FRMD1: variants seen among roughly 807,000 people sequenced by gnomAD.
The protein encoded by FRMD1 is FERM domain containing 1, also known as FERM domain-containing protein 1.
In FRMD1, 51 loss-of-function variants were observed where a neutral mutation model predicts 54.9. The ratio of observed to expected loss-of-function variants is 0.93; its 90% CI spans 0.74 to 1.17. FRMD1 has a LOEUF of 1.17. Among genes scored for constraint, FRMD1 ranks in the 50% most tolerant of loss-of-function variants. FRMD1 has a pLI of 0.00. For synonymous variants in FRMD1, 324 were observed against 306.4 expected (o/e 1.06, Z -0.60); for missense variants, 729 against 743.0 (o/e 0.98, Z 0.22).
chr6:168,070,703 G>C (rs571342434), intron 2 of FRMD1, among the ~76,000 whole-genome samples: 7 of 152,340 alleles, frequency 4.6e-5, no homozygotes, highest in East Asian at 3.9e-4. Flanking sequence ...ACTATCTGTA[G>C]AGAGAAATGG....
At chr6:168,087,259 G>A (rs1800937109) in intron 1 of FRMD1, among the ~76,000 whole-genome samples, 1 of 152,098 alleles carries the variant, frequency 6.6e-6, no homozygotes, top group Non-Finnish European at 1.5e-5. Flanking sequence ...GGTAGACACA[G>A]GGTTTCTCCA....
At chr6:168,064,807 C>A in intron 5 of FRMD1, 64 bp downstream of exon 5, 1 of 1,502,262 alleles carries the variant, frequency 6.7e-7, no homozygotes, top group South Asian at 1.3e-5. Context: ...CCATGGATGG[C>A]ACCCGGTGGA....
chr6:168,091,973 G>T (rs1008996479), intron 1 of FRMD1, among the ~76,000 whole-genome samples: 3 of 152,234 alleles, frequency 2.0e-5, no homozygotes, highest in Non-Finnish European at 4.4e-5. Flanking sequence ...TCCAGCACAG[G>T]CCAGTCGGCC....
At chr6:168,065,829 T>C in intron 4 of FRMD1, 2 of 999,884 alleles carry the variant, frequency 2.0e-6, no homozygotes, top group Middle Eastern at 5.2e-4. Context: ...CTGGCAGGGA[T>C]TGTGCCTGCT....
In FRMD1 at chr6:168,053,511, C is replaced by T; in HGVS notation, c.*3586G>A. On this transcript the variant is annotated 3_prime_UTR_variant, in exon 11 of 11. Coordinates refer to ENST00000283309, the MANE Select transcript of FRMD1 (RefSeq NM_024919.6). ...CCGAAACGTCTCCCAGCAGACCGAG[C>T]CAAGTGTGTGTCCAGTTCAGCCTCC... 1 of 152,472 alleles carries T rather than the reference C, an allele frequency of 6.6e-6. No homozygotes were observed. Among genetic ancestry groups the T allele is most frequent in the Non-Finnish European group, 1.5e-5 (1 of 68,158 alleles). The allele number at this position is 152,472 out of a possible 1,614,324, so 9.4% of individuals were successfully genotyped here.
chr6:168,069,741 A>G (rs946775706), intron 2 of FRMD1, among the ~76,000 whole-genome samples: 1 of 152,166 alleles, frequency 6.6e-6, no homozygotes, highest in Non-Finnish European at 1.5e-5. Flanking sequence ...TTGCGGCAAC[A>G]CCGATCTAGA....
At chr6:168,066,937 A>G (rs1323603890) in intron 3 of FRMD1, 106 bp from the exon 4 acceptor site, 4 of 1,414,874 alleles carry the variant, frequency 2.8e-6, no homozygotes, top group Non-Finnish European at 3.9e-6. Context: ...CTCAGCTTAA[A>G]GTCGAAGCTC....
In FRMD1 at chr6:168,064,936, C is replaced by T. The variant is rs1390967353; in HGVS notation, c.583G>A (p.Gly195Ser). ...GCATGGGCCGACTCCCGGTGCTCGC[C>T]CAGGTCAGCCTGCAGCGCGCAGGCA... Reference protein sequence around the residue: ...LAACALQADLGEHRESAHAGR... With the variant: ...LAACALQADLSEHRESAHAGR... The change falls in exon 5 of 11, where the codon GGC becomes AGC. Residue 195 changes from glycine (G) to serine (S), a missense_variant. By Grantham distance (56) the Gly-to-Ser change is moderately conservative. Transcript: ENST00000283309. The T allele has an allele frequency of 6.2e-7, 1 of 1,610,336 alleles. No individual in the cohort carries two copies. The highest frequency in any genetic ancestry group is 8.5e-7 in the Non-Finnish European group (1 of 1,178,952).
In FRMD1 at chr6:168,063,742, C is replaced by A; in HGVS notation, c.663G>T (p.Arg221Ser). ...SYFPQWIITK[R>S]GIDYILRHMP... ...TGTGCCGGAGGATGTAGTCAATCCC[C>A]CTCTTGGTGATGATCTGAGGACAGA... The change falls in exon 6 of 11, where the codon AGG becomes AGT. Residue 221 changes from arginine to serine, a missense_variant. Physicochemically the swap from Arg to Ser is moderately radical, Grantham distance 110. Transcript: ENST00000283309. 1 of 1,612,754 alleles carries A rather than the reference C, an allele frequency of 6.2e-7. No individual in the cohort carries two copies. Among genetic ancestry groups the A allele is most frequent in the South Asian group, 1.1e-5 (1 of 90,936 alleles).
chr6:168,074,830 GGTGT>G (rs1001693708), intron 2 of FRMD1, among the ~76,000 whole-genome samples: 2 of 148,356 alleles, frequency 1.3e-5, no homozygotes, highest in South Asian at 2.2e-4. Flanking sequence ...ACGTGTGAGT[GGTGT>G]GTAATTGTGG....
chr6:168,059,091 G>T lies in FRMD1; in HGVS notation c.1407+33C>A. 2 of 1,523,360 alleles carry T rather than the reference G, an allele frequency of 1.3e-6. No homozygotes were observed. 94.4% of individuals were successfully genotyped at this position (1,523,360 alleles called of 1,614,324 possible). Reference sequence around the variant, plus strand: ...TAGGAGAAGGGGGTGGAGGAGCAGGGCCAGGGCTTCTGGCCCGTGGGGGGG... The same window carrying T: ...TAGGAGAAGGGGGTGGAGGAGCAGGTCCAGGGCTTCTGGCCCGTGGGGGGG... On this transcript the variant is annotated intron_variant, in intron 10 of 10. Coordinates refer to ENST00000283309, the MANE Select transcript of FRMD1 (RefSeq NM_024919.6). This position sits in a 1 kb window ranked among gnomAD's most constrained non-coding sequence, Gnocchi z 4.4.
chr6:168,081,153 C>G (rs981534187), upstream of FRMD1, among the ~76,000 whole-genome samples: 12 of 152,102 alleles, frequency 7.9e-5, no homozygotes, highest in African/African-American at 2.9e-4. Flanking sequence ...GGGAAGCCCC[C>G]GTTGTATTCC....
Position 168,061,821 on chromosome 6 carries a change from C to A in FRMD1, c.1031G>T (p.Arg344Leu). The A allele has an allele frequency of 6.4e-7, 1 of 1,557,582 alleles. No homozygotes were observed. Among genetic ancestry groups the A allele is most frequent in the East Asian group, 2.4e-5 (1 of 41,628 alleles). The change falls in exon 8 of 11, where the codon CGG becomes CTG. Residue 344 changes from arginine (R) to leucine (L), a missense_variant. Transcript: ENST00000283309. ...CCCAGCCCCACCTTCTGCCTCCTCC[C>A]GCTGCCGCAGCTGTTGCAGAGTGGG... is the stretch of plus-strand genomic sequence containing the variant. ...VRPTLQQLRQ[R>L]EEAEEKQHYR... is the part of the protein sequence containing the mutation.
At chr6:168,074,265 G>T (rs1313165813) in intron 2 of FRMD1, among the ~76,000 whole-genome samples, 1 of 152,134 alleles carries the variant, frequency 6.6e-6, no homozygotes. Context: ...TAGAACTCCA[G>T]GTACGAATTC....
intron 9 of FRMD1, among the ~76,000 whole-genome samples, chr6:168,060,108 G>A (rs1215906362): frequency 2.1e-4 from 16 of 74,804 alleles, no homozygotes; most frequent in Non-Finnish European, 2.5e-5. Context: ...TGTGGGGGGG[G>A]CTTCCTAAGA....
chr6:168,059,251 G>A lies in FRMD1; in HGVS notation c.1343-63C>T. Reference sequence around the variant, plus strand: ...TTCTGCCCGACATGGCTCCTCCCCAGGGCAGTTCCCTGCACTTCTGGGGCC... The same window carrying A: ...TTCTGCCCGACATGGCTCCTCCCCAAGGCAGTTCCCTGCACTTCTGGGGCC... On this transcript the variant is annotated intron_variant, in intron 9 of 10. Coordinates refer to ENST00000283309, the MANE Select transcript of FRMD1 (RefSeq NM_024919.6). This position sits in a 1 kb window ranked among gnomAD's most constrained non-coding sequence, Gnocchi z 4.4. 1.4e-6 allele frequency: 2 copies of A among 1,425,196 alleles called. No homozygotes were observed. The highest frequency in any genetic ancestry group is 1.9e-6 in the Non-Finnish European group (2 of 1,045,108). 88.3% of individuals were successfully genotyped at this position (1,425,196 alleles called of 1,614,324 possible).
upstream of FRMD1, chr6:168,081,327 C>A (rs1183908391): frequency 8.6e-6 from 13 of 1,511,124 alleles, no homozygotes; most frequent in Non-Finnish European, 1.1e-5. Flanking sequence ...TGACCGGGCC[C>A]CAACACTGAC....
Position 168,063,815 on chromosome 6 carries a change from C to T in FRMD1, c.649-59G>A, listed in dbSNP as rs1029993981. ...CTGCTGGTCCCCCCTTCCTCCTTGC[C>T]AGCCCCCTGCTCCGAGAAGCTTCCC... is the stretch of plus-strand genomic sequence containing the variant. On this transcript the variant is annotated intron_variant, in intron 5 of 10. Transcript: ENST00000283309. The T allele has an allele frequency of 3.3e-6, 5 of 1,528,608 alleles. No individual in the cohort carries two copies. In the African/African-American group the frequency reaches 4.2e-5, roughly 13 times the overall value. The allele number at this position is 1,528,608 out of a possible 1,614,324, so 94.7% of individuals were successfully genotyped here. A position where few individuals can be genotyped will look rare whatever the true frequency, so the allele number is the denominator to read the frequency against.
rs1176185483 is a variant in FRMD1, at chr6:168,066,738, A to G, written c.461+17T>C. ...CAGTATTCCAGGAAACACCCCTTAC[A>G]GTCCGCATGCCGTTACCTTATGACC... On this transcript the variant is annotated intron_variant, in intron 4 of 10. Transcript: ENST00000283309. The G allele has an allele frequency of 6.2e-7, 1 of 1,606,288 alleles. No homozygotes were observed.
Sources: gnomAD v4.1 joint callset for allele counts (sites outside exome capture counted in the v4.1 genomes callset) on GRCh38, gnomAD v4.1.1 for gene constraint, Gnocchi (gnomAD v3.1) non-coding constraint, MANE v1.5 for transcripts, NCBI Gene and HGNC (gene_info 2026-07-23, HGNC 2026-07-21) for gene names.